The following RANBP2 variants were observed in gnomAD, a reference collection of about 807,000 sequenced individuals.
The protein encoded by RANBP2 is RAN binding protein 2.
In RANBP2, 57 loss-of-function variants were observed where a neutral mutation model predicts 303.6. The ratio of observed to expected loss-of-function variants is 0.19; its 90% CI spans 0.15 to 0.23. RANBP2 has a LOEUF of 0.23. Among genes scored for constraint, RANBP2 ranks in the 10% least tolerant of loss-of-function variants. The probability of loss-of-function intolerance (pLI) is 1.00; values close to 1 mark genes in which losing one functional copy is unlikely to be tolerated. For missense variants in RANBP2, 3,138 were observed against 3,780.8 expected (o/e 0.83, Z 4.46); for synonymous variants, 1,167 against 1,301.5 (o/e 0.90, Z 2.23).
chr2:108,875,228 G>C, the RANBP2 span, among the ~76,000 whole-genome samples: 1 of 146,672 alleles, frequency 6.8e-6, no homozygotes, highest in Non-Finnish European at 1.5e-5. Context: ...AAGGAAATAA[G>C]AAACAAAGCT....
chr2:109,615,720 G>C, the RANBP2 span: 1 of 1,613,702 alleles, frequency 6.2e-7, no homozygotes, highest in Non-Finnish European at 8.5e-7. Context: ...TAGCGGCGGC[G>C]GGCGCTGGAG....
the RANBP2 span, chr2:109,615,798 G>GACCATCACC: frequency 3.1e-6 from 5 of 1,614,122 alleles, no homozygotes; most frequent in Admixed American, 1.7e-5. Context: ...AGATGGAGGG[G>GACCATCACC]ACCATCACCA....
chr2:109,378,759 A>T, the RANBP2 span, among the ~76,000 whole-genome samples: 1 of 152,102 alleles, frequency 6.6e-6, no homozygotes, highest in Non-Finnish European at 1.5e-5. Context: ...CCCATGACTT[A>T]TGAGGCTTCC....
intron 7 of RANBP2, among the ~76,000 whole-genome samples, chr2:108,744,822 C>G (rs1014965336): frequency 6.6e-6 from 1 of 152,200 alleles, no homozygotes; most frequent in African/African-American, 2.4e-5. Context: ...TTTACTTTCT[C>G]CACCTCCAAA....
chr2:109,620,968 G>A, the RANBP2 span, among the ~76,000 whole-genome samples: 1 of 152,316 alleles, frequency 6.6e-6, no homozygotes, highest in South Asian at 2.1e-4. Context: ...GAGGTTGCAT[G>A]AGCACCTGAA....
the RANBP2 span, among the ~76,000 whole-genome samples, chr2:109,175,190 G>C: frequency 6.6e-6 from 1 of 152,176 alleles, no homozygotes; most frequent in Non-Finnish European, 1.5e-5. Flanking sequence ...CATCATTTCA[G>C]AGTCAGTGGT....
At chr2:109,353,987 C>G in the RANBP2 span, among the ~76,000 whole-genome samples, 3 of 152,122 alleles carry the variant, frequency 2.0e-5, no homozygotes, top group Admixed American at 6.5e-5. Flanking sequence ...CAGAGCCCCC[C>G]GAAGTCTCAG....
chr2:109,322,577 C>T, the RANBP2 span, among the ~76,000 whole-genome samples: 2 of 152,176 alleles, frequency 1.3e-5, no homozygotes, highest in African/African-American at 4.8e-5. Context: ...AGAGTTACTG[C>T]AAGAATAAAT....
chr2:109,613,203 C>G, the RANBP2 span: 8 of 1,285,762 alleles, frequency 6.2e-6, no homozygotes, highest in African/African-American at 6.1e-5. Flanking sequence ...GGCTTACTAA[C>G]AAGCGAGATA....
At chr2:109,277,373 T>G in the RANBP2 span, among the ~76,000 whole-genome samples, 1 of 152,216 alleles carries the variant, frequency 6.6e-6, no homozygotes, top group African/African-American at 2.4e-5. Context: ...CTGCTCTTTA[T>G]GTGACCCCGG....
At chr2:108,948,947 C>T in the RANBP2 span, among the ~76,000 whole-genome samples, 1 of 152,238 alleles carries the variant, frequency 6.6e-6, no homozygotes, top group Non-Finnish European at 1.5e-5. Context: ...GTGAGACCCC[C>T]ATCACTAAAA....
At chr2:109,462,400 G>A in the RANBP2 span, among the ~76,000 whole-genome samples, 4 of 152,030 alleles carry the variant, frequency 2.6e-5, no homozygotes, top group South Asian at 2.1e-4. Context: ...CTTAAACAAC[G>A]AAACCATACT....
the RANBP2 span, among the ~76,000 whole-genome samples, chr2:109,324,549 G>A: frequency 6.6e-6 from 1 of 152,186 alleles, no homozygotes; most frequent in Non-Finnish European, 1.5e-5. Context: ...AGTTACAACT[G>A]TCATCTTAAT....
the RANBP2 span, among the ~76,000 whole-genome samples, chr2:108,933,954 C>A: frequency 1.3e-5 from 2 of 152,114 alleles, no homozygotes; most frequent in South Asian, 4.1e-4. Flanking sequence ...GGGCCAGAGG[C>A]TCTCAGCAGG....
chr2:109,070,457 G>C, the RANBP2 span, among the ~76,000 whole-genome samples: 1 of 152,146 alleles, frequency 6.6e-6, no homozygotes, highest in Non-Finnish European at 1.5e-5. Flanking sequence ...GTGGGGTCTG[G>C]TGGGAGGTGA....
At chr2:108,885,479 T>C in the RANBP2 span, 6 of 152,246 alleles carry the variant, frequency 3.9e-5, no homozygotes, top group Non-Finnish European at 7.3e-5. Context: ...GAAAAGTAAG[T>C]ACTGTATCTG....
chr2:109,352,078 G>A, the RANBP2 span, among the ~76,000 whole-genome samples: 2 of 152,156 alleles, frequency 1.3e-5, no homozygotes, highest in Non-Finnish European at 2.9e-5. Context: ...ATGGTGACTC[G>A]AACATTTACT....
the RANBP2 span, among the ~76,000 whole-genome samples, chr2:109,093,430 GA>G: frequency 4.7e-4 from 60 of 128,978 alleles, no homozygotes; most frequent in South Asian, 1.7e-3. Flanking sequence ...AAAAAAGAAA[GA>G]AAAAAAAAGA....
chr2:108,959,258 G>A, the RANBP2 span, among the ~76,000 whole-genome samples: 1 of 152,230 alleles, frequency 6.6e-6, no homozygotes, highest in African/African-American at 2.4e-5. Context: ...GCTGATGATG[G>A]CCTATGAAGC....
Sources: gnomAD v4.1 joint callset for allele counts (sites outside exome capture counted in the v4.1 genomes callset) on GRCh38, gnomAD v4.1.1 for gene constraint, MANE v1.5 for transcripts, NCBI Gene and HGNC (gene_info 2026-07-23, HGNC 2026-07-21) for gene names.